The following ATG4B variants were observed in gnomAD, a reference collection of about 807,000 sequenced individuals.
The protein encoded by ATG4B is cysteine protease ATG4B.
A neutral mutation model predicts 56.6 loss-of-function variants in ATG4B; 29 were observed. That is an observed-to-expected ratio of 0.51 (90% CI 0.38 to 0.70). The LOEUF (loss-of-function observed/expected upper bound fraction) is 0.70, where lower values mean the gene tolerates loss of function less well. Ranked by LOEUF, ATG4B falls within the 30% of genes least tolerant of loss-of-function variation. The pLI, the probability that ATG4B is intolerant of heterozygous loss-of-function variation, is 0.00. For missense variants in ATG4B, 461 were observed against 515.5 expected, an observed-to-expected ratio of 0.89 and a Z score of 1.02; for synonymous variants, 224 against 206.1, an observed-to-expected ratio of 1.09 and a Z score of -0.74.
At chr2:241,663,728 C>T (rs943014981) in intron 7 of ATG4B, among the ~76,000 whole-genome samples, 1 of 151,956 alleles carries the variant, frequency 6.6e-6, no homozygotes, top group Non-Finnish European at 1.5e-5. Flanking sequence ...TGTTTGTAAT[C>T]CCAGCACTTT....
intron 1 of ATG4B, 103 bp downstream of exon 1, chr2:241,637,827 G>T: frequency 7.2e-7 from 1 of 1,387,740 alleles, no homozygotes; most frequent in Non-Finnish European, 9.4e-7. Context: ...GGGGCACGCC[G>T]GTGCGGGCCA....
chr2:241,637,887 G>C (rs868122813), intron 1 of ATG4B, 163 bp downstream of exon 1: 25 of 599,794 alleles, frequency 4.2e-5, no homozygotes, highest in African/African-American at 4.2e-4. Context: ...GGTGTTGGTG[G>C]GTGGTGGGCG....
At chr2:241,670,574 T>TC in intron 10 of ATG4B, 152 bp from the exon 11 acceptor site, 1 of 740,896 alleles carries the variant, frequency 1.3e-6, no homozygotes, top group Non-Finnish European at 2.3e-6. Context: ...GGAGCTCCGT[T>TC]CCTGGCCACA....
intron 1 of ATG4B, among the ~76,000 whole-genome samples, chr2:241,639,421 C>A (rs1372416491): frequency 6.6e-6 from 1 of 152,342 alleles, no homozygotes; most frequent in South Asian, 2.1e-4. Context: ...CGCTGCTTCC[C>A]TTTGCTGCCT....
At chr2:241,644,208 C>T (rs761038019) in intron 1 of ATG4B, among the ~76,000 whole-genome samples, 2 of 151,844 alleles carry the variant, frequency 1.3e-5, no homozygotes, top group African/African-American at 4.8e-5. Flanking sequence ...TTAGGCATGA[C>T]GGTGCATGCC....
intron 7 of ATG4B, among the ~76,000 whole-genome samples, chr2:241,660,104 C>T (rs564961523): frequency 5.8e-4 from 89 of 152,262 alleles, no homozygotes; most frequent in African/African-American, 2.0e-3. Flanking sequence ...GCAGAAGAAT[C>T]GCTTGAACCT....
intron 1 of ATG4B, 97 bp downstream of exon 1, chr2:241,637,821 C>T (rs1436605304): frequency 2.8e-6 from 4 of 1,404,674 alleles, no homozygotes; most frequent in Non-Finnish European, 2.8e-6. Flanking sequence ...CGCCTCGGGG[C>T]ACGCCGGTGC....
chr2:241,641,382 C>T (rs2125110765), intron 1 of ATG4B, among the ~76,000 whole-genome samples: 1 of 152,214 alleles, frequency 6.6e-6, no homozygotes, highest in Middle Eastern at 3.4e-3. Flanking sequence ...AACCCCGTCG[C>T]TACTAAAAAT....
At chr2:241,666,493 C>T (rs574927180) in intron 7 of ATG4B, 152 bp from the exon 8 acceptor site, 35 of 810,148 alleles carry the variant, frequency 4.3e-5, no homozygotes, top group East Asian at 1.6e-4. Flanking sequence ...AATTTTCTTA[C>T]GCTTTTCTAT....
At chr2:241,647,622 CAAA>C (rs35875880) in intron 1 of ATG4B, among the ~76,000 whole-genome samples, 498 of 117,604 alleles carry the variant, frequency 4.2e-3, no homozygotes, top group African/African-American at 0.013. Flanking sequence ...GACTCCGTCT[CAAA>C]AAAAAAAAAA....
At chr2:241,657,728 C>T (rs1337184032) in intron 6 of ATG4B, among the ~76,000 whole-genome samples, 1 of 152,208 alleles carries the variant, frequency 6.6e-6, no homozygotes, top group Non-Finnish European at 1.5e-5. Context: ...GGTCCCAGCC[C>T]CATCTTCTTC....
In ATG4B at chr2:241,652,815, C is replaced by T. The variant is rs1185224569; in HGVS notation, c.185-697C>T. On this transcript the variant is annotated intron_variant, in intron 3 of 12. Transcript: ENST00000404914. ...CAGTGCATGGAGAAGCTGCCGGAAG[C>T]CCAGAGGTGGGCACAGGGCGAACCT... 1.1e-4 allele frequency among the ~76,000 whole-genome samples: 16 copies of T among 152,216 alleles called. No individual in the cohort carries two copies. The East Asian group carries it at 2.9e-3, about 27-fold the overall frequency.
intron 7 of ATG4B, among the ~76,000 whole-genome samples, chr2:241,664,527 G>A (rs1387814561): frequency 4.6e-5 from 7 of 151,958 alleles, no homozygotes; most frequent in Non-Finnish European, 1.0e-4. Context: ...GACACAGTAA[G>A]ACCCTGTCTC....
intron 7 of ATG4B, among the ~76,000 whole-genome samples, chr2:241,665,192 A>G (rs1336050997): frequency 6.6e-6 from 1 of 152,208 alleles, no homozygotes; most frequent in South Asian, 2.1e-4. Context: ...TTTGAGTCCT[A>G]CAAAAAAGTT....
chr2:241,643,202 T>C (rs549619902), intron 1 of ATG4B, among the ~76,000 whole-genome samples: 3 of 151,552 alleles, frequency 2.0e-5, no homozygotes, highest in African/African-American at 7.3e-5. Flanking sequence ...ATCTTGTTCC[T>C]CCTGCGTGTC....
chr2:241,659,253 C>T lies in ATG4B; in HGVS notation c.538+66C>T, dbSNP rs746278679. 4.2e-6 allele frequency: 6 copies of T among 1,419,930 alleles called. No homozygotes were observed. In the Admixed American group the frequency reaches 7.2e-5, roughly 17 times the overall value. 88.0% of individuals were successfully genotyped at this position (1,419,930 alleles called of 1,614,324 possible). On this transcript the variant is annotated intron_variant, in intron 7 of 12. Transcript: ENST00000404914. ...CACGGGCAACATACACACTTCCTCG[C>T]CTGAGTCCCCACGGGAGCCTCGGCG... is the stretch of plus-strand genomic sequence containing the variant.
intron 1 of ATG4B, 127 bp downstream of exon 1, chr2:241,637,851 C>T (rs1330566988): frequency 1.2e-6 from 1 of 826,502 alleles, no homozygotes; most frequent in Non-Finnish European, 1.5e-6. Flanking sequence ...TGGGCCGGGG[C>T]GGCGGGCGCT....
chr2:241,642,087 AAGCTTTC>A (rs1265500530), intron 1 of ATG4B, among the ~76,000 whole-genome samples: 1 of 151,776 alleles, frequency 6.6e-6, no homozygotes, highest in Non-Finnish European at 1.5e-5. Context: ...CCTACTATCA[AAGCTTTC>A]AGTTTGTAGA....
intron 7 of ATG4B, among the ~76,000 whole-genome samples, chr2:241,666,423 CTT>C (rs1202565665): frequency 6.6e-6 from 1 of 152,190 alleles, no homozygotes; most frequent in Non-Finnish European, 1.5e-5. Context: ...CAATAAAACT[CTT>C]GAATTAAGTA....
Sources: gnomAD v4.1 joint callset for allele counts (sites outside exome capture counted in the v4.1 genomes callset) on GRCh38, gnomAD v4.1.1 for gene constraint, MANE v1.5 for transcripts, NCBI Gene and HGNC (gene_info 2026-07-23, HGNC 2026-07-21) for gene names.